Variants in POLA1 observed in about 807,000 individuals in gnomAD.
POLA1 encodes the protein DNA polymerase alpha catalytic subunit.
In POLA1, 15 loss-of-function variants were observed where a neutral mutation model predicts 124.0. The observed-to-expected ratio is 0.12, with a 90% CI of 0.08 to 0.19. POLA1 has a LOEUF of 0.19. POLA1 is among the 10% of genes least tolerant of loss of function. POLA1 has a pLI of 1.00. For synonymous variants in POLA1, 408 were observed against 389.4 expected, an observed-to-expected ratio of 1.05 and a Z score of -0.56; for missense variants, 886 against 1,103.4, an observed-to-expected ratio of 0.80 and a Z score of 2.79.
At chrX:24,863,963 TA>T in intron 34 of POLA1, among the ~76,000 whole-genome samples, 1 of 40,587 alleles carries the variant, frequency 2.5e-5, no homozygotes, top group African/African-American at 2.2e-4. Flanking sequence ...TGGAACTATT[TA>T]TTTATTTATT....
intron 34 of POLA1, 71 bp downstream of exon 34, chrX:24,843,748 G>A (rs2046439067): frequency 1.3e-6 from 1 of 783,249 alleles, no homozygotes; most frequent in Non-Finnish European, 1.7e-6. Flanking sequence ...TGGTTTTCAT[G>A]AAACTAAAAT....
At chrX:24,816,442 A>G (rs2148503844) in intron 30 of POLA1, among the ~76,000 whole-genome samples, 1 of 112,194 alleles carries the variant, frequency 8.9e-6, no homozygotes, top group South Asian at 3.7e-4. Context: ...TGGCATCCTT[A>G]ATGTCATGAA....
Position 24,715,114 on chromosome X carries a change from C to T in POLA1, c.463-27C>T, listed in dbSNP as rs757682947. On this transcript the variant is annotated intron_variant, in intron 5 of 36. Transcript: ENST00000379068. ...AGACATTTTAAGTGCAAGGCTTTCT[C>T]ATGTTACCTTTCTTTATCATTTCCA... 4.6e-6 allele frequency: 5 copies of T among 1,088,400 alleles called. No homozygotes were observed. In the South Asian group the frequency reaches 7.6e-5, roughly 16 times the overall value. The allele number at this position is 1,088,400 out of a possible 1,213,427, so 89.7% of individuals were successfully genotyped here.
At chrX:24,704,285 C>T in intron 3 of POLA1, 104 bp from the exon 4 acceptor site, 1 of 560,604 alleles carries the variant, frequency 1.8e-6, no homozygotes, top group Non-Finnish European at 3.1e-6. Flanking sequence ...TAGCACAGGC[C>T]AGGAAAACAT....
chrX:24,839,178 A>T (rs751591556), intron 32 of POLA1, among the ~76,000 whole-genome samples: 1 of 111,970 alleles, frequency 8.9e-6, no homozygotes, highest in Non-Finnish European at 1.9e-5. Flanking sequence ...TTGTACAAGG[A>T]TCATTATATA....
At chrX:24,959,118 C>T (rs962988751) in intron 36 of POLA1, among the ~76,000 whole-genome samples, 2 of 111,438 alleles carry the variant, frequency 1.8e-5, no homozygotes, top group African/African-American at 6.5e-5. Flanking sequence ...GTCATCCAAG[C>T]CAGAAACAAT....
rs190262569 is a variant in POLA1 at position 24,951,282 on chromosome X, G to A, written c.4261+20733G>A. 3.3e-3 allele frequency among the ~76,000 whole-genome samples: 303 copies of A among 90,842 alleles called. 2 individuals carry two copies. The highest frequency in any genetic ancestry group is 0.012 in the African/African-American group (282 of 24,414). The allele number at this position is 90,842 out of a possible 115,157, so 78.9% of individuals were successfully genotyped here. On this transcript the variant is annotated intron_variant, in intron 36 of 36. Coordinates refer to ENST00000379068, the MANE Select transcript of POLA1 (RefSeq NM_001330360.2). ...TCCTGGTGATTAGGAGTAGGCTTAA[G>A]CTCTTGCTCAGTAACAGTTTGATCA... is the stretch of plus-strand genomic sequence containing the variant.
intron 26 of POLA1, among the ~76,000 whole-genome samples, chrX:24,801,923 G>GA (rs1491138414): frequency 7.9e-5 from 7 of 88,755 alleles, no homozygotes; most frequent in Admixed American, 5.5e-4. Context: ...AGAGGTGGGT[G>GA]GGTGTGTGTG....
chrX:24,858,882 A>G (rs2046681259), intron 34 of POLA1, among the ~76,000 whole-genome samples: 1 of 112,067 alleles, frequency 8.9e-6, no homozygotes, highest in African/African-American at 3.2e-5. Context: ...AGAGGATTCC[A>G]TTATTGTTAA....
At chrX:24,932,058 C>T (rs2047790645) in intron 36 of POLA1, among the ~76,000 whole-genome samples, 2 of 112,090 alleles carry the variant, frequency 1.8e-5, no homozygotes, top group South Asian at 7.4e-4. Context: ...GCCACCACAC[C>T]TGGCCAATTT....
intron 36 of POLA1, among the ~76,000 whole-genome samples, chrX:24,967,854 A>G (rs1490152387): frequency 9.0e-6 from 1 of 111,015 alleles, no homozygotes; most frequent in Non-Finnish European, 1.9e-5. Context: ...CCTTTTCACC[A>G]AGCACCACCC....
At chrX:24,825,175 A>T (rs956380806) in intron 31 of POLA1, among the ~76,000 whole-genome samples, 3 of 112,719 alleles carry the variant, frequency 2.7e-5, no homozygotes, top group African/African-American at 9.7e-5. Flanking sequence ...CAAGAATTAA[A>T]CTTGATTAAT....
chrX:24,995,789 C>T lies in POLA1; in HGVS notation c.4262-16C>T, dbSNP rs201894152. 24 of 1,190,471 alleles carry T rather than the reference C, an allele frequency of 2.0e-5. No homozygotes were observed. Among genetic ancestry groups the T allele is most frequent in the Non-Finnish European group, 2.5e-5 (22 of 878,863 alleles). On this transcript the variant is annotated splice_polypyrimidine_tract_variant and intron_variant, in intron 36 of 36. Coordinates refer to ENST00000379068, the MANE Select transcript of POLA1 (RefSeq NM_001330360.2). ...AAACTACCTGAGACTTCTAATCTCT[C>T]TCTCTCTCTTTTTAGATAAATTGAA...
rs1419864099 is a variant in POLA1 at position 24,876,429 on chromosome X, T to G, written c.4048-11577T>G. On this transcript the variant is annotated intron_variant, in intron 34 of 36. Coordinates refer to ENST00000379068, the MANE Select transcript of POLA1 (RefSeq NM_001330360.2). ...CTGCAAAGCCAAATAGTTTTTACTT[T>G]ATTGTCTGCTATGAAACAGCTGCTG... is the stretch of plus-strand genomic sequence containing the variant. 7.2e-5 allele frequency among the ~76,000 whole-genome samples: 8 copies of G among 111,575 alleles called. No individual in the cohort carries two copies. In the Admixed American group the frequency reaches 7.6e-4, roughly 11 times the overall value.
rs182973896 is a variant in POLA1, at chrX:24,940,300, C to T, written c.4261+9751C>T. The stretch of plus-strand genomic sequence containing the variant: ...TAAATTACACTACAAAGAGAAATCC[C>T]AGAACCGTTTTTGGTCTGTAGGAGC... On this transcript the variant is annotated intron_variant, in intron 36 of 36. Coordinates refer to ENST00000379068, the MANE Select transcript of POLA1 (RefSeq NM_001330360.2). Among the ~76,000 whole-genome samples, 10 of 111,804 alleles carry T rather than the reference C, an allele frequency of 8.9e-5. No individual in the cohort carries two copies. The East Asian group carries it at 2.5e-3, about 28-fold the overall frequency.
At chrX:24,862,907 C>G (rs1037693593) in intron 34 of POLA1, among the ~76,000 whole-genome samples, 14 of 112,095 alleles carry the variant, frequency 1.2e-4, no homozygotes, top group African/African-American at 4.5e-4. Flanking sequence ...TGAATTTACA[C>G]AAGGTCAGGT....
At chrX:24,911,962 G>A (rs1214861855) in intron 35 of POLA1, among the ~76,000 whole-genome samples, 1 of 112,179 alleles carries the variant, frequency 8.9e-6, no homozygotes, top group East Asian at 2.8e-4. Context: ...TAACATTGGA[G>A]GAATCAATAC....
At chrX:24,763,518 G>A (rs1569300704) in intron 26 of POLA1, among the ~76,000 whole-genome samples, 1 of 111,439 alleles carries the variant, frequency 9.0e-6, no homozygotes, top group Non-Finnish European at 1.9e-5. Context: ...CCATGGACAT[G>A]GATGAGATTA....
chrX:24,724,327 G>T lies in POLA1; in HGVS notation c.1201-8G>T, dbSNP rs1415435385. ...TTTTCCCCTCTGTCCCCTTCTCTGGGATAACAGAAAATTGATCTAAATACG... is the reference window on the plus strand; with the variant it reads ...TTTTCCCCTCTGTCCCCTTCTCTGGTATAACAGAAAATTGATCTAAATACG... On this transcript the variant is annotated splice_polypyrimidine_tract_variant and splice_region_variant and intron_variant, in intron 11 of 36. Transcript: ENST00000379068. 4 of 926,893 alleles carry T rather than the reference G, an allele frequency of 4.3e-6. No individual in the cohort carries two copies. Among genetic ancestry groups the T allele is most frequent in the South Asian group, 2.1e-5 (1 of 48,222 alleles). The allele number at this position is 926,893 out of a possible 1,213,427, so 76.4% of individuals were successfully genotyped here. A position where few individuals can be genotyped will look rare whatever the true frequency, so the allele number is the denominator to read the frequency against.
Sources: gnomAD v4.1 joint callset for allele counts (sites outside exome capture counted in the v4.1 genomes callset) on GRCh38, gnomAD v4.1.1 for gene constraint, MANE v1.5 for transcripts, NCBI Gene and HGNC (gene_info 2026-07-23, HGNC 2026-07-21) for gene names.